Variants in TMEM132D observed in about 807,000 individuals in gnomAD.
TMEM132D encodes the protein mature OL transmembrane protein.
Under a neutral mutation model 62.3 loss-of-function variants are expected in TMEM132D, and 21 were observed. The observed-to-expected ratio is 0.34, with a 90% CI of 0.24 to 0.49. TMEM132D has a LOEUF of 0.49. Among genes scored for constraint, TMEM132D ranks in the 20% least tolerant of loss-of-function variants. The pLI, the probability that TMEM132D is intolerant of heterozygous loss-of-function variation, is 0.99. For missense variants in TMEM132D, 1,346 were observed against 1,402.8 expected (o/e 0.96, Z 0.65); for synonymous variants, 621 against 575.6 (o/e 1.08, Z -1.13).
intron 4 of TMEM132D, among the ~76,000 whole-genome samples, chr12:129,333,284 A>G (rs2135653202): frequency 6.6e-6 from 1 of 152,360 alleles, no homozygotes; most frequent in Non-Finnish European, 1.5e-5. Flanking sequence ...TTTGGCAAAC[A>G]TTATGAAAAA....
Position 129,132,359 on chromosome 12 carries a change from T to G in TMEM132D, c.1444-47657A>C, listed in dbSNP as rs192604906. The stretch of plus-strand genomic sequence containing the variant: ...AAATTATGAGCAATCATTTCTCTGG[T>G]AAGTTCAAAGCAACAATTTCTATTT... On this transcript the variant is annotated intron_variant, in intron 5 of 8. Transcript: ENST00000422113. Among the ~76,000 whole-genome samples, 129 of 152,338 alleles carry G rather than the reference T, an allele frequency of 8.5e-4. 1 individual carries two copies. Among genetic ancestry groups the G allele is most frequent in the Non-Finnish European group, 2.6e-4 (18 of 68,030 alleles).
chr12:129,186,453 C>A (rs1878224372), intron 5 of TMEM132D, among the ~76,000 whole-genome samples: 1 of 152,214 alleles, frequency 6.6e-6, no homozygotes, highest in Non-Finnish European at 1.5e-5. Flanking sequence ...CCAGGCTTTA[C>A]TTTCTTGCAC....
chr12:129,759,464 A>T (rs1390235558), intron 1 of TMEM132D, among the ~76,000 whole-genome samples: 4 of 152,196 alleles, frequency 2.6e-5, no homozygotes, highest in Non-Finnish European at 5.9e-5. Flanking sequence ...TGGCACTACA[A>T]TGCTAACGCT....
At chr12:129,348,557 G>A (rs1869763703) in intron 3 of TMEM132D, among the ~76,000 whole-genome samples, 1 of 151,970 alleles carries the variant, frequency 6.6e-6, no homozygotes, top group Non-Finnish European at 1.5e-5. Context: ...GCCTGTCGGG[G>A]GTAGTGGGTA....
rs550289415 is a variant in TMEM132D at position 129,800,427 on chromosome 12, C to A, written c.80-99729G>T. Among the ~76,000 whole-genome samples the A allele has an allele frequency of 5.3e-5, 8 of 151,888 alleles. 2 individuals carry two copies. In the Middle Eastern group the frequency reaches 0.017, roughly 327 times the overall value. On this transcript the variant is annotated intron_variant, in intron 1 of 8. Transcript: ENST00000422113. ...ATATTGAGCCTATGATACGCCAGGC[C>A]CTGGGCTAGATTCAGGTGCTCTGGA...
chr12:129,278,031 G>A (rs1028050644), intron 4 of TMEM132D, among the ~76,000 whole-genome samples: 6 of 152,174 alleles, frequency 3.9e-5, no homozygotes, highest in Non-Finnish European at 5.9e-5. Flanking sequence ...CAGCAGAAAA[G>A]GACTGGGTCA....
chr12:129,143,530 C>T (rs1043454131), intron 5 of TMEM132D, among the ~76,000 whole-genome samples: 25 of 152,136 alleles, frequency 1.6e-4, no homozygotes, highest in African/African-American at 6.0e-4. Context: ...AAGTAGAGTC[C>T]TGCCTCTGGC....
chr12:129,105,385 G>A (rs1223826000), intron 5 of TMEM132D, among the ~76,000 whole-genome samples: 1 of 120,868 alleles, frequency 8.3e-6, no homozygotes, highest in Non-Finnish European at 1.6e-5. Flanking sequence ...ACACTCTGGG[G>A]ACCGTTGTGG....
At chr12:129,505,275 T>TGC (rs1196135609) in intron 3 of TMEM132D, among the ~76,000 whole-genome samples, 3 of 151,802 alleles carry the variant, frequency 2.0e-5, no homozygotes, top group Non-Finnish European at 4.4e-5. Context: ...CGGAGTCTCA[T>TGC]TCTGTCGCCC....
At chr12:129,859,222 G>T (rs1255216931) in intron 1 of TMEM132D, among the ~76,000 whole-genome samples, 2 of 152,212 alleles carry the variant, frequency 1.3e-5, no homozygotes, top group African/African-American at 4.8e-5. Flanking sequence ...TGGAATCCAG[G>T]ATAGAGACTG....
At chr12:129,684,986 G>A (rs1880872523) in intron 2 of TMEM132D, among the ~76,000 whole-genome samples, 1 of 152,204 alleles carries the variant, frequency 6.6e-6, no homozygotes, top group African/African-American at 2.4e-5. Flanking sequence ...GAGGTGACTT[G>A]AGTGCTGTTA....
chr12:129,583,326 T>C (rs778394160), intron 2 of TMEM132D, among the ~76,000 whole-genome samples: 11 of 152,156 alleles, frequency 7.2e-5, no homozygotes, highest in Non-Finnish European at 1.5e-4. Flanking sequence ...GCCTGTGGTC[T>C]AGTGGAGAGG....
rs759993633 is a variant in TMEM132D, at chr12:129,360,607, T to C, written c.1116-22790A>G. The stretch of plus-strand genomic sequence containing the variant: ...CCCACCTTCCATCTGATCACCCAGC[T>C]GGGGGCTCTGGCCAGGGATCTGATC... On this transcript the variant is annotated intron_variant, in intron 3 of 8. Transcript: ENST00000422113. 8.5e-4 allele frequency among the ~76,000 whole-genome samples: 130 copies of C among 152,186 alleles called. 1 individual carries two copies. The highest frequency in any genetic ancestry group is 4.2e-4 in the South Asian group (2 of 4,816).
intron 1 of TMEM132D, among the ~76,000 whole-genome samples, chr12:129,886,600 A>G (rs984149246): frequency 2.0e-5 from 3 of 152,172 alleles, no homozygotes; most frequent in Admixed American, 2.0e-4. Flanking sequence ...AATCCTTCAC[A>G]CTAAAGGTAA....
chr12:129,530,098 A>T (rs569136830), intron 3 of TMEM132D, among the ~76,000 whole-genome samples: 2 of 152,340 alleles, frequency 1.3e-5, no homozygotes, highest in South Asian at 4.1e-4. Flanking sequence ...AACATCGAGC[A>T]AAGAAGTACA....
intron 4 of TMEM132D, chr12:129,262,644 A>G (rs1379205112): frequency 6.6e-6 from 1 of 152,248 alleles, no homozygotes; most frequent in Non-Finnish European, 1.5e-5. Flanking sequence ...GAGTAATTCC[A>G]ACTTTTAAAA....
At chr12:129,322,344 T>C (rs1263078533) in intron 4 of TMEM132D, among the ~76,000 whole-genome samples, 2 of 152,092 alleles carry the variant, frequency 1.3e-5, no homozygotes, top group East Asian at 3.9e-4. Context: ...CAGTAACTTA[T>C]TTTCTTTCCA....
intron 4 of TMEM132D, among the ~76,000 whole-genome samples, chr12:129,324,982 C>T (rs1244744444): frequency 6.6e-6 from 1 of 152,166 alleles, no homozygotes; most frequent in African/African-American, 2.4e-5. Context: ...GACTTCCACA[C>T]TCATTACAAT....
intron 3 of TMEM132D, among the ~76,000 whole-genome samples, chr12:129,452,340 T>C (rs1179813937): frequency 1.3e-5 from 2 of 152,268 alleles, no homozygotes; most frequent in Non-Finnish European, 2.9e-5. Context: ...ACTTACTTTC[T>C]AGTTGGTCAG....
Sources: allele counts gnomAD v4.1 joint callset (sites outside exome capture counted in the v4.1 genomes callset), GRCh38; gene constraint gnomAD v4.1.1; transcripts MANE v1.5; gene names NCBI Gene and HGNC (gene_info 2026-07-23, HGNC 2026-07-21).